Variants in SRPX observed in about 807,000 individuals in gnomAD.
The protein encoded by SRPX is sushi repeat-containing protein SRPX.
SRPX carries 24 observed loss-of-function variants against 38.1 expected under a neutral mutation model. The ratio of observed to expected loss-of-function variants is 0.63; its 90% confidence interval spans 0.46 to 0.89. The LOEUF is 0.89. Among genes scored for constraint, SRPX ranks in the 40% least tolerant of loss-of-function variants. SRPX has a pLI of 0.00. For missense variants in SRPX, 416 were observed against 377.8 expected, an observed-to-expected ratio of 1.10 and a Z score of -0.84; for synonymous variants, 184 against 153.8, an observed-to-expected ratio of 1.20 and a Z score of -1.45.
At chrX:38,152,860 T>C (rs1291454065) in intron 9 of SRPX, among the ~76,000 whole-genome samples, 1 of 112,352 alleles carries the variant, frequency 8.9e-6, no homozygotes, top group Non-Finnish European at 1.9e-5. Context: ...TAGTTCTAAA[T>C]AAGCAACAGC....
At chrX:38,214,756 G>A (rs193156368) in intron 1 of SRPX, among the ~76,000 whole-genome samples, 242 of 111,288 alleles carry the variant, frequency 2.2e-3, no homozygotes, top group African/African-American at 7.3e-3. Context: ...GGATGTAGCC[G>A]CTCCACCGCT....
intron 5 of SRPX, among the ~76,000 whole-genome samples, chrX:38,161,324 G>C (rs1237138389): frequency 9.0e-6 from 1 of 110,720 alleles, no homozygotes; most frequent in Admixed American, 9.6e-5. Flanking sequence ...AGTGGGTAGA[G>C]GGGGGAGGGA....
At chrX:38,217,544 C>A (rs147537011) in intron 1 of SRPX, among the ~76,000 whole-genome samples, 1,712 of 111,707 alleles carry the variant, frequency 0.015, 16 homozygotes, top group Non-Finnish European at 0.024. Flanking sequence ...GTGTAGCCCC[C>A]TAAAAACAAC....
rs1350895731 is a variant in SRPX, at chrX:38,220,837, C to CG, written c.-46dup. Reference sequence around the variant, plus strand: ...CGCCTCGGCAGCGCAGCGCGCTTCCCGGGGGCGGCAGGAGACCGAAGAGAC... The same window carrying CG: ...CGCCTCGGCAGCGCAGCGCGCTTCCCGGGGGGCGGCAGGAGACCGAAGAGAC... On this transcript the variant is annotated 5_prime_UTR_variant, in exon 1 of 10. Transcript: ENST00000378533. The CG allele has an allele frequency of 2.0e-5, 21 of 1,062,538 alleles. No homozygotes were observed. The highest frequency in any genetic ancestry group is 2.3e-5 in the Non-Finnish European group (19 of 832,222). 87.6% of individuals were successfully genotyped at this position (1,062,538 alleles called of 1,213,427 possible).
chrX:38,157,961 C>A (rs1938163195), intron 7 of SRPX, among the ~76,000 whole-genome samples: 1 of 112,517 alleles, frequency 8.9e-6, no homozygotes, highest in Middle Eastern at 4.6e-3. Flanking sequence ...CATGGGCTGA[C>A]AATGCTTTCA....
chrX:38,214,333 C>G, intron 1 of SRPX, among the ~76,000 whole-genome samples: 1 of 110,973 alleles, frequency 9.0e-6, no homozygotes, highest in Non-Finnish European at 1.9e-5. Context: ...TGCAAGGGAG[C>G]CTGGGTGTGG....
intron 3 of SRPX, among the ~76,000 whole-genome samples, chrX:38,172,418 G>A (rs1218844052): frequency 1.8e-5 from 2 of 113,036 alleles, no homozygotes; most frequent in African/African-American, 3.2e-5. Context: ...GCGCCATTGC[G>A]CTCCAGCCTG....
intron 1 of SRPX, among the ~76,000 whole-genome samples, chrX:38,195,043 T>C (rs1938972808): frequency 9.2e-6 from 1 of 109,059 alleles, no homozygotes; most frequent in South Asian, 4.0e-4. Flanking sequence ...CAGCTAATTT[T>C]TGTATTTTTA....
At position 38,151,613 on chromosome X, in the gene SRPX, C is replaced by G. The variant is rs551390799; in HGVS notation, c.1212-1719G>C. On this transcript the variant is annotated intron_variant, in intron 9 of 9. Transcript: ENST00000378533. Reference sequence around the variant, plus strand: ...ACAGAATGTAAAGAGGGAAAACTGTCATGGGAAGAGCTGAGTGGTTGGATC... The same window carrying G: ...ACAGAATGTAAAGAGGGAAAACTGTGATGGGAAGAGCTGAGTGGTTGGATC... Among the ~76,000 whole-genome samples the G allele has an allele frequency of 2.2e-3, 243 of 111,438 alleles. 2 individuals are homozygous for G. The highest frequency in any genetic ancestry group is 0.013 in the South Asian group (33 of 2,594).
Position 38,177,382 on chromosome X carries a change from C to G in SRPX, c.157+903G>C, listed in dbSNP as rs1414119296. Among the ~76,000 whole-genome samples the G allele has an allele frequency of 1.5e-4, 17 of 110,659 alleles. No homozygotes were observed. The Admixed American group carries it at 1.6e-3, about 11-fold the overall frequency. On this transcript the variant is annotated intron_variant, in intron 2 of 9. Coordinates refer to ENST00000378533, the MANE Select transcript of SRPX (RefSeq NM_006307.5). ...CAGTCATTATATTGGAAATATTGTT[C>G]ACTTGTGTAGAAAACAACTGAAGGA...
intron 1 of SRPX, among the ~76,000 whole-genome samples, chrX:38,185,892 A>AG (rs1209473085): frequency 4.8e-4 from 46 of 96,482 alleles, no homozygotes; most frequent in South Asian, 2.8e-3. Flanking sequence ...TCTAAAAAAA[A>AG]AAAAAAGGGG....
At chrX:38,162,313 G>C (rs1165276032) in intron 5 of SRPX, among the ~76,000 whole-genome samples, 1 of 111,581 alleles carries the variant, frequency 9.0e-6, no homozygotes, top group African/African-American at 3.3e-5. Flanking sequence ...ATGGTGGAAG[G>C]GGTCATAGGA....
chrX:38,196,837 C>T (rs975182008), intron 1 of SRPX, among the ~76,000 whole-genome samples: 8 of 112,040 alleles, frequency 7.1e-5, no homozygotes, highest in African/African-American at 1.3e-4. Flanking sequence ...CCCAGGGACA[C>T]GAAAGGTTGG....
chrX:38,190,983 G>A (rs1449187891), intron 1 of SRPX, among the ~76,000 whole-genome samples: 6 of 111,537 alleles, frequency 5.4e-5, no homozygotes, highest in Non-Finnish European at 1.1e-4. Flanking sequence ...CCCTGAAGCT[G>A]CCAACGACAA....
chrX:38,183,123 G>A (rs751836547), intron 1 of SRPX, among the ~76,000 whole-genome samples: 49 of 106,795 alleles, frequency 4.6e-4, no homozygotes, highest in Non-Finnish European at 7.9e-4. Flanking sequence ...GTATGATCCC[G>A]GCTTACTGCA....
intron 1 of SRPX, among the ~76,000 whole-genome samples, chrX:38,214,104 C>G (rs1426871144): frequency 9.0e-6 from 1 of 111,566 alleles, no homozygotes; most frequent in Admixed American, 9.5e-5. Context: ...AGGGATCACT[C>G]AAAAATTGAA....
At chrX:38,187,355 A>C (rs967471153) in intron 1 of SRPX, among the ~76,000 whole-genome samples, 4 of 112,256 alleles carry the variant, frequency 3.6e-5, no homozygotes, top group African/African-American at 1.3e-4. Flanking sequence ...TTTGTGATTT[A>C]GAAAATCTTT....
intron 1 of SRPX, among the ~76,000 whole-genome samples, chrX:38,181,268 A>G (rs1938667446): frequency 8.9e-6 from 1 of 112,414 alleles, no homozygotes; most frequent in Non-Finnish European, 1.9e-5. Context: ...GCACATGGGC[A>G]GATAGCCCAG....
chrX:38,149,937 C>T (rs1272797545), intron 9 of SRPX, 43 bp from the exon 10 acceptor site: 2 of 1,111,167 alleles, frequency 1.8e-6, no homozygotes, highest in Admixed American at 5.1e-5. Flanking sequence ...CAAACCATGA[C>T]TCCCAAGGGT....
Sources: gnomAD v4.1 joint callset for allele counts (sites outside exome capture counted in the v4.1 genomes callset) on GRCh38, gnomAD v4.1.1 for gene constraint, MANE v1.5 for transcripts, NCBI Gene and HGNC (gene_info 2026-07-23, HGNC 2026-07-21) for gene names.